USP28: variants seen among roughly 807,000 people sequenced by gnomAD.
The protein encoded by USP28 is ubiquitin specific peptidase 28, also known as ubiquitin carboxyl-terminal hydrolase 28.
A neutral mutation model predicts 145.0 loss-of-function variants in USP28; 113 were observed. The ratio of observed to expected loss-of-function variants is 0.78; its 90% CI spans 0.67 to 0.91. The LOEUF is 0.91. USP28 is among the 40% of genes least tolerant of loss of function. The pLI is 0.00. For synonymous variants in USP28, 447 were observed against 450.9 expected, an observed-to-expected ratio of 0.99 and a Z score of 0.11; for missense variants, 1,201 against 1,289.6, an observed-to-expected ratio of 0.93 and a Z score of 1.05.
chr11:113,809,802 G>C (rs955739532), intron 16 of USP28, among the ~76,000 whole-genome samples: 2 of 152,206 alleles, frequency 1.3e-5, no homozygotes, highest in Non-Finnish European at 2.9e-5. Context: ...GGAGGCCAAG[G>C]CAGGCCAATC....
intron 15 of USP28, 142 bp from the exon 16 acceptor site, chr11:113,812,646 A>G (rs965346119): frequency 1.3e-6 from 1 of 751,402 alleles, no homozygotes; most frequent in Admixed American, 2.8e-5. Context: ...TGAAGTCCAC[A>G]AAAACACAGC....
intron 3 of USP28, among the ~76,000 whole-genome samples, chr11:113,845,557 TG>T (rs1383669576): frequency 6.6e-6 from 1 of 152,208 alleles, no homozygotes; most frequent in Non-Finnish European, 1.5e-5. Context: ...ATCCTACTTC[TG>T]GGTATCCAAA....
chr11:113,866,649 G>C (rs752349214), intron 1 of USP28, among the ~76,000 whole-genome samples: 20 of 152,210 alleles, frequency 1.3e-4, no homozygotes, highest in Non-Finnish European at 2.5e-4. Flanking sequence ...AAAATAACAA[G>C]TGTTTGATGA....
intron 1 of USP28, among the ~76,000 whole-genome samples, chr11:113,859,627 T>C (rs1947430683): frequency 1.3e-5 from 2 of 151,816 alleles, no homozygotes; most frequent in African/African-American, 4.8e-5. Context: ...AAATATTAAT[T>C]TTACAGTAAC....
chr11:113,841,246 C>A (rs1434046180), intron 4 of USP28, among the ~76,000 whole-genome samples: 1 of 152,134 alleles, frequency 6.6e-6, no homozygotes, highest in Non-Finnish European at 1.5e-5. Flanking sequence ...TGAACAGTAC[C>A]AAACAACCAC....
chr11:113,865,755 T>C (rs1181641968), intron 1 of USP28, among the ~76,000 whole-genome samples: 1 of 152,176 alleles, frequency 6.6e-6, no homozygotes, highest in African/African-American at 2.4e-5. Flanking sequence ...AACACAGAGA[T>C]AAGTCTTCAT....
At chr11:113,854,019 A>G (rs1946765858) in intron 2 of USP28, among the ~76,000 whole-genome samples, 1 of 152,294 alleles carries the variant, frequency 6.6e-6, no homozygotes, top group Non-Finnish European at 1.5e-5. Context: ...AGGCCTAAAC[A>G]GTGCAACTGG....
chr11:113,840,460 A>G (rs1276861225), intron 5 of USP28, 138 bp downstream of exon 5: 16 of 1,116,302 alleles, frequency 1.4e-5, no homozygotes, highest in Non-Finnish European at 1.7e-5. Flanking sequence ...ATCTAAATCC[A>G]TACACAATAA....
At chr11:113,822,816 G>A (rs1371634843) in intron 12 of USP28, among the ~76,000 whole-genome samples, 1 of 152,170 alleles carries the variant, frequency 6.6e-6, no homozygotes, top group Non-Finnish European at 1.5e-5. Context: ...CTCTTCTGGA[G>A]TGAGAGTGGA....
chr11:113,866,488 TA>T (rs1948259348), intron 1 of USP28, among the ~76,000 whole-genome samples: 1 of 152,024 alleles, frequency 6.6e-6, no homozygotes, highest in Non-Finnish European at 1.5e-5. Flanking sequence ...ACAAAGAACT[TA>T]AAAAGATATT....
chr11:113,826,536 C>T (rs7934737), intron 11 of USP28, among the ~76,000 whole-genome samples: 1,985 of 151,404 alleles, frequency 0.013, 41 homozygotes, highest in African/African-American at 0.044. Context: ...TAAACTCCTG[C>T]GCTCAAGATA....
At chr11:113,801,582 T>G (rs199762937) in exon 24 of USP28, 629 of 1,611,104 alleles carry the variant, frequency 3.9e-4, no homozygotes, top group Non-Finnish European at 4.9e-4. Context: ...ATAAGGTGAA[T>G]GCAGGGGATG....
At chr11:113,827,296 G>C (rs750572706) in exon 11 of USP28, 2 of 1,613,084 alleles carry the variant, frequency 1.2e-6, no homozygotes. Flanking sequence ...CTGCCCAAGG[G>C]ACTGATTAAA....
At chr11:113,849,192 G>A (rs1946195048) in intron 3 of USP28, among the ~76,000 whole-genome samples, 1 of 152,152 alleles carries the variant, frequency 6.6e-6, no homozygotes, top group Admixed American at 6.5e-5. Context: ...CCAGGTAGCA[G>A]AAAGCCTCTT....
intron 1 of USP28, among the ~76,000 whole-genome samples, chr11:113,860,418 TA>T (rs1947527230): frequency 2.3e-5 from 2 of 85,612 alleles, no homozygotes; most frequent in Non-Finnish European, 5.1e-5. Context: ...AATTATAAAA[TA>T]AAACTTAAGT....
At chr11:113,814,161 A>G (rs1941382204) in intron 14 of USP28, among the ~76,000 whole-genome samples, 1 of 152,250 alleles carries the variant, frequency 6.6e-6, no homozygotes, top group Non-Finnish European at 1.5e-5. Flanking sequence ...TAAGGTTTTA[A>G]AACATTATTT....
chr11:113,817,616 GA>G, intron 13 of USP28, 41 bp downstream of exon 13: 1 of 1,596,146 alleles, frequency 6.3e-7, no homozygotes, highest in South Asian at 1.1e-5. Flanking sequence ...AATTATACCA[GA>G]AAAACAATAC....
chr11:113,817,829 T>C, exon 13 of USP28: 1 of 1,614,158 alleles, frequency 6.2e-7, no homozygotes, highest in Non-Finnish European at 8.5e-7. Flanking sequence ...TGAGCCATAT[T>C]TCACATACCT....
At chr11:113,850,472 T>C (rs1003600967) in intron 3 of USP28, among the ~76,000 whole-genome samples, 1 of 152,078 alleles carries the variant, frequency 6.6e-6, no homozygotes. Context: ...AAAAGAACAA[T>C]GTTGACCGAA....
Sources: allele counts gnomAD v4.1 joint callset (sites outside exome capture counted in the v4.1 genomes callset), GRCh38; gene constraint gnomAD v4.1.1; transcripts MANE v1.5; gene names NCBI Gene and HGNC (gene_info 2026-07-23, HGNC 2026-07-21).